Variants in DNAJC5B observed in about 807,000 individuals in gnomAD.
DNAJC5B encodes DnaJ heat shock protein family (Hsp40) member C5 beta.
DNAJC5B carries 23 observed loss-of-function variants against 24.7 expected under a neutral mutation model. That is an observed-to-expected ratio of 0.93 (90% CI 0.67 to 1.32). The LOEUF (loss-of-function observed/expected upper bound fraction) is 1.32, where lower values mean the gene tolerates loss of function less well. Ranked by LOEUF, DNAJC5B falls within the 40% of genes most tolerant of loss-of-function variation. The pLI is 0.00. For missense variants in DNAJC5B, 238 were observed against 240.8 expected (o/e 0.99, Z 0.08); for synonymous variants, 101 against 90.1 (o/e 1.12, Z -0.68).
At chr8:66,044,811 A>T (rs1052046530) in intron 2 of DNAJC5B, among the ~76,000 whole-genome samples, 1 of 152,212 alleles carries the variant, frequency 6.6e-6, no homozygotes, top group Non-Finnish European at 1.5e-5. Context: ...TCCCCATTGG[A>T]TGCCTGATAG....
intron 2 of DNAJC5B, among the ~76,000 whole-genome samples, chr8:66,046,686 C>T (rs889943460): frequency 6.6e-6 from 1 of 152,208 alleles, no homozygotes; most frequent in Non-Finnish European, 1.5e-5. Flanking sequence ...CGCTGCCCCT[C>T]GGGGGCTACA....
In DNAJC5B at chr8:66,053,935, C is replaced by CT. The variant is rs1806909170; in HGVS notation, c.119+2269_119+2270insT. Among the ~76,000 whole-genome samples the CT allele has an allele frequency of 5.8e-5, 8 of 137,190 alleles. No homozygotes were observed. The South Asian group carries it at 1.8e-3, about 30-fold the overall frequency. The allele number at this position is 137,190 out of a possible 152,430, so 90.0% of individuals were successfully genotyped here. A position where few individuals can be genotyped will look rare whatever the true frequency, so the allele number is the denominator to read the frequency against. On this transcript the variant is annotated intron_variant, in intron 3 of 5. Coordinates refer to ENST00000276570, the MANE Select transcript of DNAJC5B (RefSeq NM_033105.6). ...TGAGCCACCGTGCCTGGCCTACTAC[C>CT]CTTTTTTTTTTTTTTTTAACAAGGT...
chr8:66,030,789 A>G (rs1218771995), intron 1 of DNAJC5B, among the ~76,000 whole-genome samples: 1 of 152,164 alleles, frequency 6.6e-6, no homozygotes, highest in Admixed American at 6.5e-5. Flanking sequence ...GGTGCCCACC[A>G]CCATGCCCTG....
chr8:66,101,031 T>C lies in DNAJC5B; in HGVS notation c.*1000T>C, dbSNP rs1323758742. Reference sequence around the variant, plus strand: ...TAAAATACTATGGCAGAAAAAGTGTTCGTTTTTCTAGCTCTTTCTTACTTT... The same window carrying C: ...TAAAATACTATGGCAGAAAAAGTGTCCGTTTTTCTAGCTCTTTCTTACTTT... On this transcript the variant is annotated 3_prime_UTR_variant, in exon 6 of 6. Transcript: ENST00000276570. Among the ~76,000 whole-genome samples the C allele has an allele frequency of 6.6e-6, 1 of 152,258 alleles. No homozygotes were observed. The highest frequency in any genetic ancestry group is 1.9e-4 in the East Asian group (1 of 5,208).
Position 66,098,739 on chromosome 8 carries a change from T to C in DNAJC5B, c.506-1198T>C, listed in dbSNP as rs1361013467. The stretch of plus-strand genomic sequence containing the variant: ...AATCTGTCTTCTACTTCACTAATTC[T>C]TTCTTTAGCTGTTAAGCCAATTCAT... On this transcript the variant is annotated intron_variant, in intron 5 of 5. Coordinates refer to ENST00000276570, the MANE Select transcript of DNAJC5B (RefSeq NM_033105.6). Among the ~76,000 whole-genome samples, 5 of 152,142 alleles carry C rather than the reference T, an allele frequency of 3.3e-5. No homozygotes were observed. The East Asian group carries it at 7.7e-4, about 23-fold the overall frequency.
At position 66,076,576 on chromosome 8, in the gene DNAJC5B, A is replaced by G. The variant is rs1563605732; in HGVS notation, c.120-84A>G. 7 of 1,401,758 alleles carry G rather than the reference A, an allele frequency of 5.0e-6. No homozygotes were observed. In the South Asian group the frequency reaches 7.2e-5, roughly 14 times the overall value. The allele number at this position is 1,401,758 out of a possible 1,614,324, so 86.8% of individuals were successfully genotyped here. On this transcript the variant is annotated intron_variant, in intron 3 of 5. Coordinates refer to ENST00000276570, the MANE Select transcript of DNAJC5B (RefSeq NM_033105.6). ...CAGTATTTGCGCTAATAAAGAATAT[A>G]CAAATGAACAGTGCCCTTCTAAAAC...
chr8:66,024,404 CTTTT>C (rs989285742), intron 1 of DNAJC5B, among the ~76,000 whole-genome samples: 2 of 109,394 alleles, frequency 1.8e-5, no homozygotes, highest in Admixed American at 9.3e-5. Flanking sequence ...TTTCAGGATT[CTTTT>C]TTTTTTTTTT....
intron 4 of DNAJC5B, among the ~76,000 whole-genome samples, chr8:66,077,173 T>C (rs1419225399): frequency 6.6e-6 from 1 of 152,216 alleles, no homozygotes; most frequent in Non-Finnish European, 1.5e-5. Flanking sequence ...AAACCAAAAA[T>C]AATTTATTAG....
At chr8:66,080,343 T>C in intron 4 of DNAJC5B, 34 bp from the exon 5 acceptor site, 1 of 1,594,950 alleles carries the variant, frequency 6.3e-7, no homozygotes. Context: ...CCATCACCCC[T>C]CATCCTCATT....
intron 3 of DNAJC5B, among the ~76,000 whole-genome samples, chr8:66,055,478 T>C (rs1199481289): frequency 2.1e-4 from 32 of 152,240 alleles, no homozygotes; most frequent in Admixed American, 2.1e-3. Context: ...AAGACTTCTT[T>C]CTTCTTTTGC....
At chr8:66,028,916 C>T (rs1806303251) in intron 1 of DNAJC5B, among the ~76,000 whole-genome samples, 2 of 152,168 alleles carry the variant, frequency 1.3e-5, no homozygotes, top group Non-Finnish European at 2.9e-5. Context: ...GGCCTCTCAC[C>T]TTCTCTAGCT....
At chr8:66,055,704 C>G (rs1334384616) in intron 3 of DNAJC5B, among the ~76,000 whole-genome samples, 2 of 152,082 alleles carry the variant, frequency 1.3e-5, no homozygotes, top group African/African-American at 4.8e-5. Flanking sequence ...TTTGGGAGGT[C>G]AAGGCGGGTG....
chr8:66,037,713 G>A (rs1806518815), intron 1 of DNAJC5B, among the ~76,000 whole-genome samples: 1 of 152,236 alleles, frequency 6.6e-6, no homozygotes, highest in South Asian at 2.1e-4. Flanking sequence ...AAATAGCAAA[G>A]GAGCACTCGA....
intron 3 of DNAJC5B, among the ~76,000 whole-genome samples, chr8:66,065,893 G>C (rs1437740276): frequency 6.6e-6 from 1 of 152,066 alleles, no homozygotes; most frequent in Non-Finnish European, 1.5e-5. Context: ...CAGCATGGCA[G>C]GTCTTTTGAG....
At position 66,052,004 on chromosome 8, in the gene DNAJC5B, G is replaced by A. The variant is rs180773071; in HGVS notation, c.119+338G>A. 3.0e-3 allele frequency among the ~76,000 whole-genome samples: 458 copies of A among 151,528 alleles called. 2 individuals are homozygous for A. Among genetic ancestry groups the A allele is most frequent in the African/African-American group, 0.01 (430 of 41,230 alleles). On this transcript the variant is annotated intron_variant, in intron 3 of 5. Coordinates refer to ENST00000276570, the MANE Select transcript of DNAJC5B (RefSeq NM_033105.6). ...TTCTTTGACAGAGTCTCACTCTGTC[G>A]TCCAGGCTGGAGTGCAGTGGTGCAA...
At chr8:66,045,291 ATGT>A (rs1806699857) in intron 2 of DNAJC5B, among the ~76,000 whole-genome samples, 1 of 152,224 alleles carries the variant, frequency 6.6e-6, no homozygotes, top group Admixed American at 6.5e-5. Context: ...TCATTAAAAG[ATGT>A]TGTCTGTCTG....
At chr8:66,022,716 G>A (rs1806165444) in intron 1 of DNAJC5B, among the ~76,000 whole-genome samples, 1 of 152,230 alleles carries the variant, frequency 6.6e-6, no homozygotes, top group Admixed American at 6.5e-5. Context: ...TATGAAAGTA[G>A]TAATAGTCCC....
In DNAJC5B at chr8:66,099,917, T is replaced by C. The variant is rs1808036736; in HGVS notation, c.506-20T>C. 1 of 1,608,934 alleles carries C rather than the reference T, an allele frequency of 6.2e-7. No homozygotes were observed. Among genetic ancestry groups the C allele is most frequent in the Non-Finnish European group, 8.5e-7 (1 of 1,175,926 alleles). On this transcript the variant is annotated intron_variant, in intron 5 of 5. Coordinates refer to ENST00000276570, the MANE Select transcript of DNAJC5B (RefSeq NM_033105.6). ...GTAACATGATGAGAGTGTTTATTGC[T>C]TTGCTTTGTTTATTTTTAGATGTGG...
rs1164198545 is a variant in DNAJC5B, at chr8:66,021,705, G to A, written c.-142G>A. ...AGATGAAAAAGAGGAGAGATCTCAA[G>A]GTGAGTGTGTCTCCAAGCTTAAGAA... is the stretch of plus-strand genomic sequence containing the variant. On this transcript the variant is annotated splice_region_variant and 5_prime_UTR_variant, in exon 1 of 6. Coordinates refer to ENST00000276570, the MANE Select transcript of DNAJC5B (RefSeq NM_033105.6). The A allele has an allele frequency of 1.3e-5, 2 of 152,246 alleles. No homozygotes were observed. Among genetic ancestry groups the A allele is most frequent in the African/African-American group, 2.4e-5 (1 of 41,452 alleles). 9.4% of individuals were successfully genotyped at this position (152,246 alleles called of 1,614,324 possible).
Sources: allele counts gnomAD v4.1 joint callset (sites outside exome capture counted in the v4.1 genomes callset), GRCh38; gene constraint gnomAD v4.1.1; transcripts MANE v1.5; gene names NCBI Gene and HGNC (gene_info 2026-07-23, HGNC 2026-07-21).